The following CA10 variants were observed in gnomAD, a reference collection of about 807,000 sequenced individuals.
CA10 encodes the protein carbonic anhydrase 10 (inactive).
In CA10, 14 loss-of-function variants were observed where a neutral mutation model predicts 44.2. The observed-to-expected ratio is 0.32, with a 90% CI of 0.21 to 0.50. CA10 has a LOEUF of 0.50. CA10 is among the 20% of genes least tolerant of loss of function. The pLI is 0.99. For synonymous variants in CA10, 159 were observed against 141.6 expected (o/e 1.12, Z -0.87); for missense variants, 350 against 409.7 (o/e 0.85, Z 1.26).
At chr17:51,942,307 C>T (rs116069476) in intron 2 of CA10, among the ~76,000 whole-genome samples, 2,443 of 152,158 alleles carry the variant, frequency 0.016, 61 homozygotes, top group African/African-American at 0.055. Context: ...CACAACACAA[C>T]TGGTCACCAA....
intron 2 of CA10, 113 bp downstream of exon 2, chr17:52,072,206 T>C (rs1358062610): frequency 7.1e-6 from 5 of 706,216 alleles, no homozygotes; most frequent in Admixed American, 5.2e-5. Context: ...GAGTATTCAT[T>C]GCACACATAA....
At chr17:51,679,613 G>A (rs1157486251) in intron 4 of CA10, among the ~76,000 whole-genome samples, 1 of 150,284 alleles carries the variant, frequency 6.7e-6, no homozygotes, top group Non-Finnish European at 1.5e-5. Context: ...AGGCTGGAGT[G>A]CAGTGGCGCA....
At chr17:51,772,471 A>T (rs1905648278) in intron 3 of CA10, among the ~76,000 whole-genome samples, 1 of 152,210 alleles carries the variant, frequency 6.6e-6, no homozygotes, top group Admixed American at 6.5e-5. Context: ...ATATATCCCT[A>T]ACATTTCATG....
intron 1 of CA10, among the ~76,000 whole-genome samples, chr17:52,147,353 A>G (rs1023576581): frequency 6.6e-6 from 1 of 152,184 alleles, no homozygotes; most frequent in Admixed American, 6.5e-5. Flanking sequence ...TGAGTTGGAT[A>G]CGTAATTGGC....
At chr17:52,110,201 C>A (rs1988760530) in intron 1 of CA10, among the ~76,000 whole-genome samples, 2 of 152,214 alleles carry the variant, frequency 1.3e-5, no homozygotes, top group Admixed American at 6.5e-5. Context: ...ATCCCCATAA[C>A]CTTTCTTCCA....
intron 4 of CA10, among the ~76,000 whole-genome samples, chr17:51,717,970 A>G (rs1916224977): frequency 6.7e-6 from 1 of 148,216 alleles, no homozygotes; most frequent in Admixed American, 6.8e-5. Flanking sequence ...TAACTCAGGA[A>G]TGGAAAATCA....
At chr17:52,000,277 T>C (rs557537574) in intron 2 of CA10, among the ~76,000 whole-genome samples, 19 of 152,082 alleles carry the variant, frequency 1.2e-4, no homozygotes, top group Non-Finnish European at 1.9e-4. Flanking sequence ...GCAAGACCTA[T>C]GGTTTCTGAA....
intron 2 of CA10, among the ~76,000 whole-genome samples, chr17:51,983,384 T>C (rs1431724813): frequency 2.0e-5 from 3 of 151,874 alleles, no homozygotes; most frequent in Non-Finnish European, 4.4e-5. Context: ...TTCTGATTTG[T>C]CTGATTTATT....
intron 2 of CA10, among the ~76,000 whole-genome samples, chr17:52,006,535 A>T (rs1985603849): frequency 6.6e-6 from 1 of 151,738 alleles, no homozygotes; most frequent in Non-Finnish European, 1.5e-5. Flanking sequence ...CTCTTTCCCT[A>T]GAGGTAATCA....
At chr17:51,806,048 T>TGAGCAA (rs1242560047) in intron 3 of CA10, among the ~76,000 whole-genome samples, 1 of 152,176 alleles carries the variant, frequency 6.6e-6, no homozygotes, top group Non-Finnish European at 1.5e-5. Context: ...CTGCACTTAA[T>TGAGCAA]GAGCAAGGGT....
chr17:51,726,007 T>C (rs924614521), intron 4 of CA10, among the ~76,000 whole-genome samples: 1 of 152,128 alleles, frequency 6.6e-6, no homozygotes, highest in Non-Finnish European at 1.5e-5. Context: ...AAAGTAGTGA[T>C]GCTGGTGGGG....
chr17:51,963,565 A>C (rs1250322864), intron 2 of CA10, among the ~76,000 whole-genome samples: 1 of 152,218 alleles, frequency 6.6e-6, no homozygotes, highest in Non-Finnish European at 1.5e-5. Flanking sequence ...CTAACAGTGG[A>C]CTTCTCAGCA....
intron 2 of CA10, among the ~76,000 whole-genome samples, chr17:52,003,301 C>T (rs1985490178): frequency 1.3e-5 from 2 of 151,938 alleles, no homozygotes; most frequent in African/African-American, 2.4e-5. Context: ...TCATGGCTCC[C>T]CACGGATGCC....
At chr17:51,707,210 T>C (rs1002104917) in intron 4 of CA10, among the ~76,000 whole-genome samples, 31 of 152,328 alleles carry the variant, frequency 2.0e-4, no homozygotes, top group African/African-American at 7.2e-4. Context: ...CTTATGTGTA[T>C]GCTCAGAAAC....
At chr17:51,688,451 T>C (rs1359827134) in intron 4 of CA10, among the ~76,000 whole-genome samples, 1 of 152,248 alleles carries the variant, frequency 6.6e-6, no homozygotes, top group African/African-American at 2.4e-5. Context: ...TTTGCACGAC[T>C]GGCTAGTTTA....
At chr17:51,876,257 C>T (rs57603438) in intron 3 of CA10, among the ~76,000 whole-genome samples, 14,428 of 143,894 alleles carry the variant, frequency 0.1, 895 homozygotes, top group African/African-American at 0.18. Flanking sequence ...GCCTGGACCT[C>T]TCAGGCTCAA....
chr17:51,931,867 G>A (rs1173071268), intron 2 of CA10, among the ~76,000 whole-genome samples: 1 of 152,080 alleles, frequency 6.6e-6, no homozygotes, highest in Admixed American at 6.6e-5. Flanking sequence ...TTTCCAGTTC[G>A]ATTTCTCTCT....
chr17:51,716,036 C>T (rs1916102006), intron 4 of CA10, among the ~76,000 whole-genome samples: 2 of 152,062 alleles, frequency 1.3e-5, no homozygotes, highest in South Asian at 4.2e-4. Flanking sequence ...ACAATTCCCA[C>T]CTCCCCTCCA....
rs573660452 is a variant in CA10 at position 51,711,357 on chromosome 17, G to T, written c.465+36276C>A. On this transcript the variant is annotated intron_variant, in intron 4 of 8. Transcript: ENST00000451037. ...TTTAGTAGTCCTGAATATTTTAAGAGATCACTGTTTCCTTACCCTCAGTAC... is the reference window on the plus strand; with the variant it reads ...TTTAGTAGTCCTGAATATTTTAAGATATCACTGTTTCCTTACCCTCAGTAC... Among the ~76,000 whole-genome samples the T allele has an allele frequency of 3.9e-5, 6 of 152,302 alleles. No homozygotes were observed. In the East Asian group the frequency reaches 7.7e-4, roughly 20 times the overall value.
Sources: allele counts gnomAD v4.1 joint callset (sites outside exome capture counted in the v4.1 genomes callset), GRCh38; gene constraint gnomAD v4.1.1; transcripts MANE v1.5; gene names NCBI Gene and HGNC (gene_info 2026-07-23, HGNC 2026-07-21).